SLC5A1: variants seen among roughly 807,000 people sequenced by gnomAD.
SLC5A1 encodes the protein solute carrier family 5 member 1.
SLC5A1 carries 42 observed loss-of-function variants against 73.5 expected under a neutral mutation model. The observed-to-expected ratio is 0.57, with a 90% CI of 0.45 to 0.74. The LOEUF (loss-of-function observed/expected upper bound fraction) is 0.74, where lower values mean the gene tolerates loss of function less well. Among genes scored for constraint, SLC5A1 ranks in the 30% least tolerant of loss-of-function variants. The probability of loss-of-function intolerance (pLI) is 0.00; values close to 1 mark genes in which losing one functional copy is unlikely to be tolerated. For synonymous variants in SLC5A1, 300 were observed against 317.4 expected, an observed-to-expected ratio of 0.95 and a Z score of 0.58; for missense variants, 634 against 855.4, an observed-to-expected ratio of 0.74 and a Z score of 3.23.
chr22:32,068,957 G>C (rs766302922), intron 5 of SLC5A1, among the ~76,000 whole-genome samples: 8 of 152,132 alleles, frequency 5.3e-5, no homozygotes, highest in Non-Finnish European at 1.2e-4. Context: ...AGAGGTATCT[G>C]CACTCCCATG....
In SLC5A1 at chr22:32,068,613, C is replaced by T; in HGVS notation, c.477+13C>T. 1 of 1,550,380 alleles carries T rather than the reference C, an allele frequency of 6.5e-7. No individual in the cohort carries two copies. Among genetic ancestry groups the T allele is most frequent in the East Asian group, 2.2e-5 (1 of 44,548 alleles). ...CACCAAGATCTCGGTGAGTCCACTG[C>T]CCCAGAGGGCTGGGCTGTCTCAGAA... On this transcript the variant is annotated intron_variant, in intron 5 of 14. Coordinates refer to ENST00000266088, the MANE Select transcript of SLC5A1 (RefSeq NM_000343.4).
chr22:32,049,219 CTATATCTATATA>C (rs879580569), intron 1 of SLC5A1, among the ~76,000 whole-genome samples: 1,880 of 102,630 alleles, frequency 0.018, 26 homozygotes, highest in Non-Finnish European at 0.028. Context: ...ATATCTATAT[CTATATCTATATA>C]TATGATGATT....
intron 1 of SLC5A1, among the ~76,000 whole-genome samples, chr22:32,048,032 C>T (rs1423942308): frequency 6.6e-6 from 1 of 151,720 alleles, no homozygotes; most frequent in African/African-American, 2.4e-5. Flanking sequence ...TGTGCCTGTA[C>T]TCCCATCTAC....
intron 2 of SLC5A1, among the ~76,000 whole-genome samples, chr22:32,060,014 T>TAC (rs58053068): frequency 0.019 from 2,610 of 137,652 alleles, 37 homozygotes; most frequent in South Asian, 0.052. Context: ...GCCATGGTTA[T>TAC]ACACACACAC....
chr22:32,084,386 C>T, intron 7 of SLC5A1, 53 bp from the exon 8 acceptor site: 7 of 1,498,966 alleles, frequency 4.7e-6, no homozygotes, highest in Non-Finnish European at 6.5e-6. Flanking sequence ...AAAGAAGCTG[C>T]TATGACGAGT....
intron 12 of SLC5A1, among the ~76,000 whole-genome samples, chr22:32,100,407 C>A (rs2094034350): frequency 6.6e-6 from 1 of 152,110 alleles, no homozygotes; most frequent in Non-Finnish European, 1.5e-5. Context: ...TTTTCTTTTT[C>A]CAGATCTTAC....
Position 32,111,854 on chromosome 22 carries a change from C to A in SLC5A1, c.*1641C>A, listed in dbSNP as rs2094057708. ...TTTGAGTGCAGGTTCATTCAAGGACCAGGTTCCCTTGTGCTCAGGGTGAAG... is the reference window on the plus strand; with the variant it reads ...TTTGAGTGCAGGTTCATTCAAGGACAAGGTTCCCTTGTGCTCAGGGTGAAG... On this transcript the variant is annotated 3_prime_UTR_variant, in exon 15 of 15. Transcript: ENST00000266088. 6.6e-6 allele frequency: 1 copy of A among 152,146 alleles called. No individual in the cohort carries two copies. The highest frequency in any genetic ancestry group is 2.4e-5 in the African/African-American group (1 of 41,440). 9.4% of individuals were successfully genotyped at this position (152,146 alleles called of 1,614,324 possible).
intron 2 of SLC5A1, among the ~76,000 whole-genome samples, chr22:32,057,846 G>A (rs1178685214): frequency 1.3e-5 from 2 of 151,962 alleles, no homozygotes; most frequent in East Asian, 1.9e-4. Context: ...ACATTTTCAC[G>A]TCTTTTTCTA....
chr22:32,050,087 G>C (rs140060996), intron 2 of SLC5A1, 73 bp downstream of exon 2: 2 of 1,311,904 alleles, frequency 1.5e-6, no homozygotes, highest in East Asian at 2.3e-5. Flanking sequence ...TTTTCTTCTT[G>C]GCTTTGGGTG....
chr22:32,059,400 C>A, intron 2 of SLC5A1: 1 of 947,402 alleles, frequency 1.1e-6, no homozygotes, highest in African/African-American at 1.8e-5. Context: ...AGAGGTGGGA[C>A]TGGGCTTTAT....
At chr22:32,077,210 C>T (rs2093992368) in intron 5 of SLC5A1, among the ~76,000 whole-genome samples, 1 of 151,284 alleles carries the variant, frequency 6.6e-6, no homozygotes, top group Admixed American at 6.6e-5. Context: ...TTCCCTCTTT[C>T]CTTCCTTCTT....
At chr22:32,100,432 A>T (rs190054313) in intron 12 of SLC5A1, among the ~76,000 whole-genome samples, 1 of 152,140 alleles carries the variant, frequency 6.6e-6, no homozygotes, top group East Asian at 1.9e-4. Flanking sequence ...AAGGCTTTCA[A>T]TTTTTCCCTG....
chr22:32,069,336 T>C (rs1271735809), intron 5 of SLC5A1, among the ~76,000 whole-genome samples: 2 of 152,040 alleles, frequency 1.3e-5, no homozygotes, highest in Admixed American at 1.3e-4. Context: ...GAGGAGTAAG[T>C]TCAAGAGATC....
rs1443013864 is a variant in SLC5A1 at position 32,082,040 on chromosome 22, G to T, written c.583+69G>T. On this transcript the variant is annotated intron_variant, in intron 6 of 14. Coordinates refer to ENST00000266088, the MANE Select transcript of SLC5A1 (RefSeq NM_000343.4). ...ATCAGGCACTAGTGAAGGATAAAGG[G>T]AAGTAGGAGAGGTGGTTTCTCTTCT... The T allele has an allele frequency of 9.2e-6, 9 of 977,594 alleles. No homozygotes were observed. In the East Asian group the frequency reaches 1.9e-4, roughly 21 times the overall value. 60.6% of individuals were successfully genotyped at this position (977,594 alleles called of 1,614,324 possible).
intron 11 of SLC5A1, among the ~76,000 whole-genome samples, chr22:32,097,003 T>C (rs566418820): frequency 6.6e-6 from 1 of 152,356 alleles, no homozygotes; most frequent in South Asian, 2.1e-4. Flanking sequence ...CCTTGATTGA[T>C]TTTCCCTTAG....
intron 1 of SLC5A1, among the ~76,000 whole-genome samples, chr22:32,048,929 G>A (rs1201766947): frequency 2.0e-5 from 3 of 151,824 alleles, no homozygotes; most frequent in African/African-American, 7.3e-5. Context: ...AATTAGCTGG[G>A]CGTAGTAGCA....
At position 32,081,864 on chromosome 22, in the gene SLC5A1, A is replaced by T; in HGVS notation, c.478-2A>T. On this transcript the variant is annotated splice_acceptor_variant, in intron 5 of 14. Transcript: ENST00000266088. LOFTEE classifies it high-confidence loss of function. ...CTAACTCCGCCTCTCCTCTCCTTCCAGGCAGACATCTTCTCGGGGGCCATA... is the reference window on the plus strand; with the variant it reads ...CTAACTCCGCCTCTCCTCTCCTTCCTGGCAGACATCTTCTCGGGGGCCATA... The T allele has an allele frequency of 6.2e-7, 1 of 1,607,770 alleles. No individual in the cohort carries two copies. Among genetic ancestry groups the T allele is most frequent in the South Asian group, 1.1e-5 (1 of 90,888 alleles).
At chr22:32,079,667 T>C (rs1324250055) in intron 5 of SLC5A1, among the ~76,000 whole-genome samples, 4 of 152,168 alleles carry the variant, frequency 2.6e-5, no homozygotes, top group Non-Finnish European at 5.9e-5. Flanking sequence ...TATTTACACT[T>C]ATTAGCTAAT....
At chr22:32,101,940 G>A (rs2094037109) in intron 12 of SLC5A1, 82 bp from the exon 13 acceptor site, 3 of 1,077,908 alleles carry the variant, frequency 2.8e-6, no homozygotes, top group Middle Eastern at 3.9e-4. Flanking sequence ...CTTTGCCTCT[G>A]CCTATGCCTC....
Sources: allele counts gnomAD v4.1 joint callset (sites outside exome capture counted in the v4.1 genomes callset), GRCh38; gene constraint gnomAD v4.1.1; transcripts MANE v1.5; gene names NCBI Gene and HGNC (gene_info 2026-07-23, HGNC 2026-07-21).